STARD9: variants seen among roughly 807,000 people sequenced by gnomAD.
STARD9 encodes the protein stAR-related lipid transfer protein 9.
A neutral mutation model predicts 399.8 loss-of-function variants in STARD9; 346 were observed. The ratio of observed to expected loss-of-function variants is 0.87; its 90% confidence interval spans 0.79 to 0.95. The LOEUF (loss-of-function observed/expected upper bound fraction) is 0.95. Among genes scored for constraint, STARD9 ranks in the 40% least tolerant of loss-of-function variants. The probability of loss-of-function intolerance (pLI) is 0.00; values close to 1 mark genes in which losing one functional copy is unlikely to be tolerated. For synonymous variants in STARD9, 2,203 were observed against 2,143.5 expected (o/e 1.03, Z -0.77); for missense variants, 5,832 against 5,667.5 (o/e 1.03, Z -0.93).
At chr15:42,669,408 G>A in intron 16 of STARD9, 71 bp downstream of exon 16, 1 of 1,332,264 alleles carries the variant, frequency 7.5e-7, no homozygotes, top group Non-Finnish European at 1.0e-6. Flanking sequence ...AAAGCTAGGA[G>A]CAGCAGCCAT....
chr15:42,704,731 G>T (rs2061039461), intron 26 of STARD9, among the ~76,000 whole-genome samples: 1 of 152,178 alleles, frequency 6.6e-6, no homozygotes, highest in South Asian at 2.1e-4. Flanking sequence ...TTTTGTTGTT[G>T]TGGGCTTGGT....
chr15:42,581,516 T>G lies in STARD9; in HGVS notation c.48-1830T>G, dbSNP rs1595574600. On this transcript the variant is annotated intron_variant, in intron 1 of 32. Transcript: ENST00000290607. ...CTGTGGACGCGGGCTCTGGGCTTTG[T>G]GTGGCGGGTAGGCGGCGGCGCCGGG... 3.5e-6 allele frequency: 5 copies of G among 1,433,450 alleles called. No individual in the cohort carries two copies. In the East Asian group the frequency reaches 1.2e-4, roughly 35 times the overall value. The allele number at this position is 1,433,450 out of a possible 1,614,324, so 88.8% of individuals were successfully genotyped here. A position where few individuals can be genotyped will look rare whatever the true frequency, so the allele number is the denominator to read the frequency against.
At chr15:42,698,645 A>G (rs2060895916) in intron 26 of STARD9, among the ~76,000 whole-genome samples, 1 of 152,198 alleles carries the variant, frequency 6.6e-6, no homozygotes, top group African/African-American at 2.4e-5. Flanking sequence ...GCAAGCAGAT[A>G]TATTTGTCCG....
intron 3 of STARD9, among the ~76,000 whole-genome samples, chr15:42,632,660 A>C (rs2059353111): frequency 6.6e-6 from 1 of 152,140 alleles, no homozygotes; most frequent in Non-Finnish European, 1.5e-5. Context: ...ACTGATGACA[A>C]CTTAACACTG....
intron 3 of STARD9, among the ~76,000 whole-genome samples, chr15:42,608,820 C>T (rs1416111253): frequency 1.3e-5 from 2 of 152,132 alleles, no homozygotes; most frequent in Non-Finnish European, 2.9e-5. Context: ...GAAATTAATG[C>T]AGAAAGGATT....
At chr15:42,641,258 T>A (rs2059530593) in intron 7 of STARD9, among the ~76,000 whole-genome samples, 1 of 152,224 alleles carries the variant, frequency 6.6e-6, no homozygotes, top group Admixed American at 6.5e-5. Context: ...TAGGAAATAC[T>A]ACATTCTAAA....
chr15:42,668,583 T>A (rs2060147302), intron 15 of STARD9, among the ~76,000 whole-genome samples: 1 of 152,224 alleles, frequency 6.6e-6, no homozygotes, highest in Non-Finnish European at 1.5e-5. Context: ...AACTCAGTAT[T>A]CTACTGTTAT....
At position 42,600,525 on chromosome 15, in the gene STARD9, T is replaced by C. The variant is rs1200425540; in HGVS notation, c.234+14888T>C. On this transcript the variant is annotated intron_variant, in intron 3 of 32. Transcript: ENST00000290607. ...GAGGGTTTTGCTTCGTTTCTTTCTTTCTTTTTTTTTTTTTTTTGAGACCAA... is the reference window on the plus strand; with the variant it reads ...GAGGGTTTTGCTTCGTTTCTTTCTTCCTTTTTTTTTTTTTTTTGAGACCAA... 1.4e-4 allele frequency among the ~76,000 whole-genome samples: 21 copies of C among 150,520 alleles called. 1 individual carries two copies. The South Asian group carries it at 4.4e-3, about 31-fold the overall frequency.
At position 42,634,971 on chromosome 15, in the gene STARD9, C is replaced by T. The variant is rs868612063; in HGVS notation, c.350C>T (p.Pro117Leu). Residue 117 changes from proline (P) to leucine (L), a missense_variant and splice_region_variant, in exon 4 of 33, where the codon CCA (proline) becomes CTA (leucine). Physicochemically the swap from Pro to Leu is moderately conservative, Grantham distance 98. This residue lies in a region of STARD9 where 5,828 missense variants were observed against 5,651.1 expected (regional missense o/e 1.03). Transcript: ENST00000290607. Reference protein sequence around the residue: ...SGKTYTMLGTPASVGLTPRIC... With the variant: ...SGKTYTMLGTLASVGLTPRIC... ...AAGACATATACCATGCTGGGGACCC[C>T]AGTGAGTATTACAATGATATATATT... 6.6e-7 allele frequency: 1 copy of T among 1,508,964 alleles called. No individual in the cohort carries two copies. Among genetic ancestry groups the T allele is most frequent in the Non-Finnish European group, 8.9e-7 (1 of 1,122,414 alleles). 93.5% of individuals were successfully genotyped at this position (1,508,964 alleles called of 1,614,324 possible).
chr15:42,643,911 G>A (rs1212517421), intron 7 of STARD9, among the ~76,000 whole-genome samples: 1 of 152,114 alleles, frequency 6.6e-6, no homozygotes, highest in East Asian at 1.9e-4. Flanking sequence ...ATTTAGAAGT[G>A]TGTTTCTTTA....
Position 42,705,276 on chromosome 15 carries a change from C to T in STARD9, c.13284+9396C>T, listed in dbSNP as rs919983019. ...ATTATCTTTAATGCATCTTCTTCTC[C>T]TTGTAAAATCTAGTACTTTTATCTA... On this transcript the variant is annotated intron_variant, in intron 26 of 32. Transcript: ENST00000290607. 4.6e-5 allele frequency among the ~76,000 whole-genome samples: 7 copies of T among 152,162 alleles called. 1 individual carries two copies. Among genetic ancestry groups the T allele is most frequent in the Admixed American group, 4.6e-4 (7 of 15,272 alleles).
intron 3 of STARD9, among the ~76,000 whole-genome samples, chr15:42,626,671 T>C (rs1261283380): frequency 6.6e-6 from 1 of 151,492 alleles, no homozygotes; most frequent in Non-Finnish European, 1.5e-5. Context: ...CAGCTAATTT[T>C]GTATTTTTTT....
chr15:42,644,437 G>A (rs567595733), intron 7 of STARD9, among the ~76,000 whole-genome samples: 52 of 151,932 alleles, frequency 3.4e-4, no homozygotes, highest in Non-Finnish European at 6.3e-4. Context: ...AGATTGCAGT[G>A]AGCCAGGATC....
chr15:42,652,464 A>AG lies in STARD9; in HGVS notation c.630-55dup, dbSNP rs2059781899. 4.2e-6 allele frequency: 6 copies of AG among 1,415,990 alleles called. No individual in the cohort carries two copies. The Admixed American group carries it at 1.2e-4, about 28-fold the overall frequency. 87.7% of individuals were successfully genotyped at this position (1,415,990 alleles called of 1,614,324 possible). ...TTCTTGTATTCTGTATGGATCCTTAAGAATCCACCATGTGTAAACAATCCT... is the reference window on the plus strand; with the variant it reads ...TTCTTGTATTCTGTATGGATCCTTAAGGAATCCACCATGTGTAAACAATCCT... On this transcript the variant is annotated intron_variant, in intron 8 of 32. Coordinates refer to ENST00000290607, the MANE Select transcript of STARD9 (RefSeq NM_020759.3).
intron 9 of STARD9, among the ~76,000 whole-genome samples, chr15:42,654,493 T>A (rs1325434454): frequency 2.0e-5 from 3 of 152,158 alleles, no homozygotes; most frequent in African/African-American, 7.2e-5. Context: ...GTCAAACTGT[T>A]GCTGTTCGCT....
In STARD9 at chr15:42,691,523, C is replaced by T. The variant is rs1566946229; in HGVS notation, c.9945C>T (p.Pro3315=). 36 of 1,537,262 alleles carry T rather than the reference C, an allele frequency of 2.3e-5. No individual in the cohort carries two copies. Among genetic ancestry groups the T allele is most frequent in the Non-Finnish European group, 3.1e-5 (36 of 1,146,910 alleles). ...CTGTGACTACAATCTTCTCTGGCCCCAAACACTCCAGGTCCTCCCCCACAC... is the reference window on the plus strand; with the variant it reads ...CTGTGACTACAATCTTCTCTGGCCCTAAACACTCCAGGTCCTCCCCCACAC... ...SLPVTTIFSG[P]KHSRSSPTPQ... The change falls in exon 23 of 33, where the codon CCC becomes CCT. Residue 3315 remains proline (P), a synonymous_variant. Coordinates refer to ENST00000290607, the MANE Select transcript of STARD9 (RefSeq NM_020759.3).
Position 42,694,117 on chromosome 15 carries a change from A to C in STARD9, c.12539A>C (p.Gln4180Pro), listed in dbSNP as rs1375608995. ...SSEKQEQSPP[Q>P]PPNDHSQDSE... is the part of the protein sequence containing the mutation. ...GAAAAGCAGGAACAGAGTCCCCCAC[A>C]ACCTCCTAATGACCACAGCCAGGAT... Residue 4180 changes from glutamine (Q) to proline (P), a missense_variant, in exon 23 of 33, where the codon CAA (glutamine) becomes CCA (proline). By Grantham distance (76) the Gln-to-Pro change is moderately conservative (BLOSUM62 -1). This residue lies in a region of STARD9 where 5,828 missense variants were observed against 5,651.1 expected (regional missense o/e 1.03). Coordinates refer to ENST00000290607, the MANE Select transcript of STARD9 (RefSeq NM_020759.3). The C allele has an allele frequency of 3.3e-6, 5 of 1,537,004 alleles. No homozygotes were observed. In the Admixed American group the frequency reaches 9.8e-5, roughly 30 times the overall value.
chr15:42,588,129 A>G (rs1430134831), intron 3 of STARD9, among the ~76,000 whole-genome samples: 1 of 152,204 alleles, frequency 6.6e-6, no homozygotes, highest in Admixed American at 6.5e-5. Context: ...TGTTCTGTAC[A>G]TAAGAGGAAT....
At chr15:42,581,463 T>G (rs1595574410) in intron 1 of STARD9, 1 of 1,530,164 alleles carries the variant, frequency 6.5e-7, no homozygotes, top group East Asian at 2.3e-5. Flanking sequence ...GCTGGGCTGG[T>G]GGCCGCTGCC....
Sources: gnomAD v4.1 joint callset for allele counts (sites outside exome capture counted in the v4.1 genomes callset) on GRCh38, gnomAD v4.1.1 for gene constraint, gnomAD v4.1.1 regional missense constraint, MANE v1.5 for transcripts, NCBI Gene and HGNC (gene_info 2026-07-23, HGNC 2026-07-21) for gene names.